TMEM115: variants seen among roughly 807,000 people sequenced by gnomAD.
TMEM115 encodes PP6.
In TMEM115, 8 loss-of-function variants were observed where a neutral mutation model predicts 20.1. The observed-to-expected ratio is 0.40, with a 90% CI of 0.23 to 0.72. The LOEUF (loss-of-function observed/expected upper bound fraction) is 0.72. TMEM115 is among the 30% of genes least tolerant of loss of function. TMEM115 has a pLI of 0.39. For missense variants in TMEM115, 374 were observed against 455.1 expected, an observed-to-expected ratio of 0.82 and a Z score of 1.62; for synonymous variants, 229 against 206.2, an observed-to-expected ratio of 1.11 and a Z score of -0.95.
Position 50,355,185 on chromosome 3 carries a change from A to C in TMEM115, c.*158T>G. 2 of 497,650 alleles carry C rather than the reference A, an allele frequency of 4.0e-6. No homozygotes were observed. The highest frequency in any genetic ancestry group is 3.4e-6 in the Non-Finnish European group (1 of 293,294). 30.8% of individuals were successfully genotyped at this position (497,650 alleles called of 1,614,324 possible). A position where few individuals can be genotyped will look rare whatever the true frequency, so the allele number is the denominator to read the frequency against. ...TGTCTGGAGTTGGAACCAGGTAGCA[A>C]GAGTCCTGGGTAGTGTTGGCGAGAA... On this transcript the variant is annotated 3_prime_UTR_variant, in exon 2 of 2. Coordinates refer to ENST00000266025, the MANE Select transcript of TMEM115 (RefSeq NM_007024.5).
Position 50,358,641 on chromosome 3 carries a change from G to A in TMEM115, c.423C>T (p.Phe141=). ...FTVRIHGALG[F]LGGVLVALKQ... ...TGAGTGCCACCAGGACGCCACCTAG[G>A]AAGCCCAAGGCGCCGTGGATACGGA... Residue 141 remains phenylalanine, a synonymous_variant, in exon 1 of 2, where the codon TTC becomes TTT. Transcript: ENST00000266025. 1 of 1,613,094 alleles carries A rather than the reference G, an allele frequency of 6.2e-7. No individual in the cohort carries two copies. The highest frequency in any genetic ancestry group is 1.7e-5 in the Admixed American group (1 of 60,008).
At position 50,355,518 on chromosome 3, in the gene TMEM115, C is replaced by T. The variant is rs1421911815; in HGVS notation, c.881G>A (p.Arg294Gln). The change falls in exon 2 of 2, where the codon CGG becomes CAG. Residue 294 changes from arginine (R) to glutamine (Q), a missense_variant. Transcript: ENST00000266025. ...RQLALKALNE[R>Q]LKRVEDQSIW... ...GGACTGGTCTTCCACTCTCTTCAGCCGCTCATTGAGTGCCTTCAGGGCCAG... is the reference window on the plus strand; with the variant it reads ...GGACTGGTCTTCCACTCTCTTCAGCTGCTCATTGAGTGCCTTCAGGGCCAG... 5 of 1,603,962 alleles carry T rather than the reference C, an allele frequency of 3.1e-6. No homozygotes were observed. The highest frequency in any genetic ancestry group is 2.3e-5 in the East Asian group (1 of 43,830).
At position 50,358,209 on chromosome 3, in the gene TMEM115, G is replaced by A. The variant is rs1431692236; in HGVS notation, c.851+4C>T. On this transcript the variant is annotated splice_donor_region_variant and intron_variant, in intron 1 of 1. Transcript: ENST00000266025. ...TGACAAGATTTTGGAAAATTTCACA[G>A]TACCTTCTCCGCTCGGCGTCTTGAG... 2 of 1,611,370 alleles carry A rather than the reference G, an allele frequency of 1.2e-6. No homozygotes were observed. Among genetic ancestry groups the A allele is most frequent in the East Asian group, 4.5e-5 (2 of 44,808 alleles).
At position 50,359,336 on chromosome 3, in the gene TMEM115, C is replaced by A. The variant is rs1481595295; in HGVS notation, c.-273G>T. ...GCCCGCCTACCCACCCTGTAGGCCC[C>A]GTGCCAGGCTAGCCTGGTTGGCGTT... is the stretch of plus-strand genomic sequence containing the variant. On this transcript the variant is annotated 5_prime_UTR_variant, in exon 1 of 2. Coordinates refer to ENST00000266025, the MANE Select transcript of TMEM115 (RefSeq NM_007024.5). 8.2e-6 allele frequency: 4 copies of A among 487,406 alleles called. No homozygotes were observed. The highest frequency in any genetic ancestry group is 5.8e-5 in the African/African-American group (3 of 51,478). The allele number at this position is 487,406 out of a possible 1,614,324, so 30.2% of individuals were successfully genotyped here.
intron 1 of TMEM115, among the ~76,000 whole-genome samples, chr3:50,357,388 TTAC>T (rs1703893409): frequency 6.6e-6 from 1 of 152,190 alleles, no homozygotes; most frequent in Non-Finnish European, 1.5e-5. Context: ...GTCCCAGATT[TTAC>T]TACTCGAGTA....
Position 50,359,264 on chromosome 3 carries a change from G to T in TMEM115, c.-201C>A. 1 of 857,242 alleles carries T rather than the reference G, an allele frequency of 1.2e-6. No individual in the cohort carries two copies. Among genetic ancestry groups the T allele is most frequent in the Non-Finnish European group, 1.7e-6 (1 of 577,038 alleles). 53.1% of individuals were successfully genotyped at this position (857,242 alleles called of 1,614,324 possible). On this transcript the variant is annotated 5_prime_UTR_variant, in exon 1 of 2. Transcript: ENST00000266025. ...GGCCTTGTTGCCGGGCCGCAGCGTA[G>T]GCCCCTCGCCCGGGACCTGAGGGAA...
chr3:50,359,281 C>T lies in TMEM115; in HGVS notation c.-218G>A, dbSNP rs1403510210. On this transcript the variant is annotated 5_prime_UTR_variant, in exon 1 of 2. Coordinates refer to ENST00000266025, the MANE Select transcript of TMEM115 (RefSeq NM_007024.5). ...GCAGCGTAGGCCCCTCGCCCGGGAC[C>T]TGAGGGAAGGCCCTGGACGGCTGCG... The T allele has an allele frequency of 1.4e-6, 1 of 729,892 alleles. No homozygotes were observed. Among genetic ancestry groups the T allele is most frequent in the Non-Finnish European group, 2.2e-6 (1 of 463,490 alleles). 45.2% of individuals were successfully genotyped at this position (729,892 alleles called of 1,614,324 possible). A position where few individuals can be genotyped will look rare whatever the true frequency, so the allele number is the denominator to read the frequency against.
At chr3:50,356,560 C>T (rs902555054) in intron 1 of TMEM115, among the ~76,000 whole-genome samples, 14 of 151,884 alleles carry the variant, frequency 9.2e-5, no homozygotes, top group Non-Finnish European at 1.5e-5. Context: ...CCCTGCCCGT[C>T]AGTCTCACAC....
chr3:50,355,040 G>A lies in TMEM115; in HGVS notation c.*303C>T, dbSNP rs958491665. 1 of 300,620 alleles carries A rather than the reference G, an allele frequency of 3.3e-6. No homozygotes were observed. Among genetic ancestry groups the A allele is most frequent in the Non-Finnish European group, 6.1e-6 (1 of 163,272 alleles). 18.6% of individuals were successfully genotyped at this position (300,620 alleles called of 1,614,324 possible). A position where few individuals can be genotyped will look rare whatever the true frequency, so the allele number is the denominator to read the frequency against. ...TTCAGATGTGAGGGCCGGCCCAGGA[G>A]CTGTGGCATCAGTGTCCCTGCAGCC... is the stretch of plus-strand genomic sequence containing the variant. On this transcript the variant is annotated 3_prime_UTR_variant, in exon 2 of 2. Transcript: ENST00000266025.
At position 50,358,782 on chromosome 3, in the gene TMEM115, C is replaced by G; in HGVS notation, c.282G>C (p.Gly94=). 1 of 1,613,314 alleles carries G rather than the reference C, an allele frequency of 6.2e-7. No individual in the cohort carries two copies. Among genetic ancestry groups the G allele is most frequent in the Non-Finnish European group, 8.5e-7 (1 of 1,180,038 alleles). Residue 94 remains glycine, a synonymous_variant, in exon 1 of 2, where the codon GGG becomes GGC. Transcript: ENST00000266025. ...VAGRLLEPLW[G]ALELLIFFSV... is the part of the protein sequence containing the mutation. ...AGAAGAAGATGAGCAGCTCCAAGGC[C>G]CCCCAGAGGGGCTCCAGCAAACGCC...
In TMEM115 at chr3:50,359,342, A is replaced by G. The variant is rs905035359; in HGVS notation, c.-279T>C. 2 of 470,006 alleles carry G rather than the reference A, an allele frequency of 4.3e-6. No individual in the cohort carries two copies. Among genetic ancestry groups the G allele is most frequent in the Admixed American group, 3.7e-5 (1 of 27,070 alleles). 29.1% of individuals were successfully genotyped at this position (470,006 alleles called of 1,614,324 possible). On this transcript the variant is annotated 5_prime_UTR_variant, in exon 1 of 2. Transcript: ENST00000266025. Reference sequence around the variant, plus strand: ...CTACCCACCCTGTAGGCCCCGTGCCAGGCTAGCCTGGTTGGCGTTGACCTC... The same window carrying G: ...CTACCCACCCTGTAGGCCCCGTGCCGGGCTAGCCTGGTTGGCGTTGACCTC...
Position 50,358,396 on chromosome 3 carries a change from G to C in TMEM115, c.668C>G (p.Ala223Gly), listed in dbSNP as rs146372949. The C allele has an allele frequency of 1.7e-4, 279 of 1,613,840 alleles. No homozygotes were observed. Among genetic ancestry groups the C allele is most frequent in the Non-Finnish European group, 2.2e-4 (261 of 1,180,042 alleles). ...RGRGDMADHF[A>G]FATFFPEILQ... is the part of the protein sequence containing the mutation. ...GATCTCAGGGAAGAAAGTGGCGAAA[G>C]CAAAGTGGTCAGCCATGTCCCCTCG... Residue 223 changes from alanine (A) to glycine (G), a missense_variant, in exon 1 of 2, where the codon GCT (alanine) becomes GGT (glycine). Physicochemically the swap from Ala to Gly is moderately conservative, Grantham distance 60. Coordinates refer to ENST00000266025, the MANE Select transcript of TMEM115 (RefSeq NM_007024.5).
Position 50,358,463 on chromosome 3 carries a change from T to C in TMEM115, c.601A>G (p.Ser201Gly). Residue 201 changes from serine (S) to glycine (G), a missense_variant, in exon 1 of 2, where the codon AGT becomes GGT. Coordinates refer to ENST00000266025, the MANE Select transcript of TMEM115 (RefSeq NM_007024.5). ...LASYGFGLLSSWVYLRFYQRH... is the reference protein window; with the variant it reads ...LASYGFGLLSGWVYLRFYQRH... ...TGGTAGAAGCGAAGATATACCCAAC[T>C]GGAGAGCAGCCCGAAGCCATAGGAA... 2 of 1,613,342 alleles carry C rather than the reference T, an allele frequency of 1.2e-6. No individual in the cohort carries two copies. The highest frequency in any genetic ancestry group is 1.1e-5 in the South Asian group (1 of 91,078).
In TMEM115 at chr3:50,355,104, C is replaced by T. The variant is rs1703846478; in HGVS notation, c.*239G>A. ...TGCCAGCTGATGTACATTCTTACCTCAGATGAGGGCCTGGACTGGCCGATG... is the reference window on the plus strand; with the variant it reads ...TGCCAGCTGATGTACATTCTTACCTTAGATGAGGGCCTGGACTGGCCGATG... On this transcript the variant is annotated 3_prime_UTR_variant, in exon 2 of 2. Coordinates refer to ENST00000266025, the MANE Select transcript of TMEM115 (RefSeq NM_007024.5). 5.2e-6 allele frequency: 2 copies of T among 383,772 alleles called. No individual in the cohort carries two copies. Among genetic ancestry groups the T allele is most frequent in the Admixed American group, 9.0e-5 (2 of 22,132 alleles). The allele number at this position is 383,772 out of a possible 1,614,324, so 23.8% of individuals were successfully genotyped here. A position where few individuals can be genotyped will look rare whatever the true frequency, so the allele number is the denominator to read the frequency against.
At position 50,358,275 on chromosome 3, in the gene TMEM115, A is replaced by G; in HGVS notation, c.789T>C (p.Gly263=). ...GGCTGATGGTGATGGAGGATGGGGC[A>G]CCCACATCGTAGCGCTTCACCGTCT... ...CQKTVKRYDV[G]APSSITISLP... The change falls in exon 1 of 2, where the codon GGT becomes GGC. Residue 263 remains glycine, a synonymous_variant. Coordinates refer to ENST00000266025, the MANE Select transcript of TMEM115 (RefSeq NM_007024.5). The G allele has an allele frequency of 6.2e-7, 1 of 1,613,566 alleles. No homozygotes were observed. Among genetic ancestry groups the G allele is most frequent in the Non-Finnish European group, 8.5e-7 (1 of 1,179,980 alleles).
Position 50,359,113 on chromosome 3 carries a change from T to C in TMEM115, c.-50A>G. On this transcript the variant is annotated 5_prime_UTR_variant, in exon 1 of 2. Transcript: ENST00000266025. ...AAAAGGGTCTGGTAGGCCAGGGGCC[T>C]CCCCGGGGCCTCGTCCTAGTCCGGC... 1 of 1,470,132 alleles carries C rather than the reference T, an allele frequency of 6.8e-7. No homozygotes were observed. 91.1% of individuals were successfully genotyped at this position (1,470,132 alleles called of 1,614,324 possible). A position where few individuals can be genotyped will look rare whatever the true frequency, so the allele number is the denominator to read the frequency against.
chr3:50,357,452 A>C (rs1251713294), intron 1 of TMEM115, among the ~76,000 whole-genome samples: 1 of 152,242 alleles, frequency 6.6e-6, no homozygotes, highest in African/African-American at 2.4e-5. Context: ...TGTGGATCTT[A>C]TGAAGGCTGG....
Position 50,359,195 on chromosome 3 carries a change from C to A in TMEM115, c.-132G>T. Reference sequence around the variant, plus strand: ...CTGGCCTATGGCCCTGGTAAAGGATCCGCTTCCGATCGGGTGGGGCTCTGG... The same window carrying A: ...CTGGCCTATGGCCCTGGTAAAGGATACGCTTCCGATCGGGTGGGGCTCTGG... On this transcript the variant is annotated 5_prime_UTR_variant, in exon 1 of 2. Coordinates refer to ENST00000266025, the MANE Select transcript of TMEM115 (RefSeq NM_007024.5). The A allele has an allele frequency of 7.3e-7, 1 of 1,364,930 alleles. No homozygotes were observed. Among genetic ancestry groups the A allele is most frequent in the Admixed American group, 2.9e-5 (1 of 34,806 alleles). The allele number at this position is 1,364,930 out of a possible 1,614,324, so 84.6% of individuals were successfully genotyped here. A position where few individuals can be genotyped will look rare whatever the true frequency, so the allele number is the denominator to read the frequency against.
Position 50,358,503 on chromosome 3 carries a change from C to A in TMEM115, c.561G>T (p.Gln187His). 3 of 1,612,202 alleles carry A rather than the reference C, an allele frequency of 1.9e-6. No individual in the cohort carries two copies. The highest frequency in any genetic ancestry group is 2.5e-6 in the Non-Finnish European group (3 of 1,179,736). Residue 187 changes from glutamine to histidine, a missense_variant, in exon 1 of 2, where the codon CAG becomes CAT. Coordinates refer to ENST00000266025, the MANE Select transcript of TMEM115 (RefSeq NM_007024.5). ...AGCCATAGGAAGCCAGCGCCGGGCT[C>A]TGGAGCAGCGTGGCGAGCCGCAGCA... ...LLLLRLATLL[Q>H]SPALASYGFG...
Sources: allele counts gnomAD v4.1 joint callset (sites outside exome capture counted in the v4.1 genomes callset), GRCh38; gene constraint gnomAD v4.1.1; transcripts MANE v1.5; gene names NCBI Gene and HGNC (gene_info 2026-07-23, HGNC 2026-07-21).